The following ARHGAP27 variants were observed in gnomAD, a reference collection of about 807,000 sequenced individuals.
ARHGAP27 encodes Rho GTPase activating protein 27, also known as rho GTPase-activating protein 27.
Under a neutral mutation model 102.0 loss-of-function variants are expected in ARHGAP27, and 53 were observed. The ratio of observed to expected loss-of-function variants is 0.52; its 90% CI spans 0.42 to 0.65. The LOEUF is 0.65. Among genes scored for constraint, ARHGAP27 ranks in the 30% least tolerant of loss-of-function variants. The pLI is 0.00. For missense variants in ARHGAP27, 1,117 were observed against 1,256.2 expected, an observed-to-expected ratio of 0.89 and a Z score of 1.68; for synonymous variants, 525 against 542.8, an observed-to-expected ratio of 0.97 and a Z score of 0.46.
chr17:45,395,702 C>G (rs922069165), intron 19 of ARHGAP27, 42 bp downstream of exon 19: 2 of 1,567,456 alleles, frequency 1.3e-6, no homozygotes, highest in Non-Finnish European at 1.7e-6. Context: ...GGGCTTCAGC[C>G]GGGACCTGCC....
Position 45,396,739 on chromosome 17 carries a change from C to G in ARHGAP27, c.2003G>C (p.Arg668Pro). 6.2e-7 allele frequency: 1 copy of G among 1,613,778 alleles called. No homozygotes were observed. The highest frequency in any genetic ancestry group is 1.1e-5 in the South Asian group (1 of 91,078). ...CTGGAGGAACTTGCGGAGCTTGTGC[C>G]GGACCTTGCTCAAGTCGCTCTCCAG... ...VGLESDLSKV[R>P]HKLRKFLQRR... The change falls in exon 15 of 20, where the codon CGG (arginine) becomes CCG (proline). Residue 668 changes from arginine (R) to proline (P), a missense_variant. Transcript: ENST00000685559.
Position 45,396,492 on chromosome 17 carries a change from G to C in ARHGAP27, c.2168C>G (p.Ala723Gly). ...CACCCCCGCAGCGCACGTACCGCGG[G>C]CCTCGACGGCGCGGATGCACTGCTG... is the stretch of plus-strand genomic sequence containing the variant. The part of the protein sequence containing the change: ...FVQQCIRAVE[A>G]RGLDIDGLYR... Residue 723 changes from alanine to glycine, a missense_variant, in exon 16 of 20, where the codon GCC (alanine) becomes GGC (glycine). This residue lies in a region of ARHGAP27 where 493 missense variants were observed against 505.5 expected (regional missense o/e 0.98). Coordinates refer to ENST00000685559, the MANE Select transcript of ARHGAP27 (RefSeq NM_001282290.2). The C allele has an allele frequency of 6.5e-7, 1 of 1,541,016 alleles. No individual in the cohort carries two copies. The highest frequency in any genetic ancestry group is 8.7e-7 in the Non-Finnish European group (1 of 1,149,028).
intron 4 of ARHGAP27, among the ~76,000 whole-genome samples, chr17:45,420,481 G>A (rs2048919266): frequency 6.6e-6 from 1 of 152,028 alleles, no homozygotes; most frequent in African/African-American, 2.4e-5. Flanking sequence ...GGGAAACAGT[G>A]TACATGTGAC....
intron 1 of ARHGAP27, 60 bp from the exon 2 acceptor site, chr17:45,432,409 C>G (rs1219830788): frequency 6.5e-6 from 1 of 153,024 alleles, no homozygotes; most frequent in Non-Finnish European, 1.5e-5. Context: ...TGGAGCGCGA[C>G]AGCGCACCAG....
Position 45,396,990 on chromosome 17 carries a change from C to A in ARHGAP27, c.1877G>T (p.Ser626Ile). Reference sequence around the variant, plus strand: ...CTCGCTCGACCCGAAGTCCACTCTGCTGCTCTCGCTCTCCTCTGGGGGCAG... The same window carrying A: ...CTCGCTCGACCCGAAGTCCACTCTGATGCTCTCGCTCTCCTCTGGGGGCAG... ...AELPPEESES[S>I]RVDFGSSERL... Residue 626 changes from serine (S) to isoleucine (I), a missense_variant, in exon 14 of 20, where the codon AGC (serine) becomes ATC (isoleucine). By Grantham distance (142) the Ser-to-Ile change is moderately radical. Transcript: ENST00000685559. The A allele has an allele frequency of 6.2e-7, 1 of 1,604,806 alleles. No individual in the cohort carries two copies.
intron 4 of ARHGAP27, 37 bp from the exon 5 acceptor site, chr17:45,406,120 A>G (rs1356901667): frequency 6.8e-7 from 1 of 1,479,968 alleles, no homozygotes; most frequent in African/African-American, 1.4e-5. Flanking sequence ...GTGTTTTCAG[A>G]AACCTTCCAA....
chr17:45,404,797 G>T, intron 6 of ARHGAP27, 116 bp from the exon 7 acceptor site: 1 of 1,511,214 alleles, frequency 6.6e-7, no homozygotes, highest in South Asian at 1.2e-5. Context: ...AGGTGCAGGT[G>T]ACTGTGTTTG....
At chr17:45,396,464 C>T (rs1367117878) in intron 16 of ARHGAP27, 23 bp downstream of exon 16, 11 of 1,511,020 alleles carry the variant, frequency 7.3e-6, no homozygotes, top group African/African-American at 2.8e-5. Context: ...TGCCTGCCGC[C>T]CTCACCCCCG....
chr17:45,418,842 C>G (rs1055104933), intron 4 of ARHGAP27, among the ~76,000 whole-genome samples: 2 of 152,120 alleles, frequency 1.3e-5, no homozygotes, highest in African/African-American at 4.8e-5. Flanking sequence ...TGAGGAGGGC[C>G]AAACAGGTGG....
In ARHGAP27 at chr17:45,403,630, C is replaced by T; in HGVS notation, c.1627G>A (p.Ala543Thr). ...TFFKDSKTSAAGGLRQPSKFS... is the reference protein window; with the variant it reads ...TFFKDSKTSATGGLRQPSKFS... ...GGGCCTGGCCTTACCAGGCCGCCTG[C>T]AGCCGAGGTCTTTGAGTCCTTGAAG... Residue 543 changes from alanine to threonine, a missense_variant, in exon 11 of 20, where the codon GCA (alanine) becomes ACA (threonine). Transcript: ENST00000685559. The T allele has an allele frequency of 6.2e-7, 1 of 1,613,886 alleles. No homozygotes were observed. The highest frequency in any genetic ancestry group is 8.5e-7 in the Non-Finnish European group (1 of 1,179,980).
rs1300497860 is a variant in ARHGAP27 at position 45,404,959 on chromosome 17, G to T, written c.1213C>A (p.Gln405Lys). The T allele has an allele frequency of 6.2e-7, 1 of 1,614,110 alleles. No homozygotes were observed. The highest frequency in any genetic ancestry group is 8.5e-7 in the Non-Finnish European group (1 of 1,180,010). Residue 405 changes from glutamine (Q) to lysine (K), a missense_variant, in exon 6 of 20, where the codon CAG (glutamine) becomes AAG (lysine). Gln to Lys is a moderately conservative substitution (Grantham distance 53). Coordinates refer to ENST00000685559, the MANE Select transcript of ARHGAP27 (RefSeq NM_001282290.2). The stretch of plus-strand genomic sequence containing the variant: ...GTGAAGTGGTTGGTGTAGAGCATCT[G>T]CTTGTCCTGGCTGACATGACAAGAC... ...GWSCHVSQDKQMLYTNHFTQE... is the reference protein window; with the variant it reads ...GWSCHVSQDKKMLYTNHFTQE...
intron 4 of ARHGAP27, among the ~76,000 whole-genome samples, chr17:45,428,023 A>C (rs1246626703): frequency 6.6e-6 from 1 of 152,190 alleles, no homozygotes; most frequent in Non-Finnish European, 1.5e-5. Context: ...CTCATAGGTA[A>C]AGGGCTGCCG....
intron 4 of ARHGAP27, among the ~76,000 whole-genome samples, chr17:45,419,409 CTCTT>C (rs1012785350): frequency 1.1e-4 from 16 of 150,812 alleles, no homozygotes; most frequent in African/African-American, 3.7e-4. Flanking sequence ...ATATATGTGT[CTCTT>C]TATATAGATA....
At chr17:45,420,536 A>C (rs574408058) in intron 4 of ARHGAP27, among the ~76,000 whole-genome samples, 6 of 152,146 alleles carry the variant, frequency 3.9e-5, no homozygotes, top group Non-Finnish European at 5.9e-5. Flanking sequence ...TTAAAAAAAA[A>C]CCTGTAAAAA....
chr17:45,429,503 G>T (rs750284680), intron 4 of ARHGAP27, 120 bp downstream of exon 4: 32 of 1,517,470 alleles, frequency 2.1e-5, no homozygotes, highest in Non-Finnish European at 2.8e-5. Context: ...CGAAGTCTTC[G>T]GACAGAGGTG....
chr17:45,417,647 G>A (rs1258153148), intron 4 of ARHGAP27, among the ~76,000 whole-genome samples: 1 of 151,766 alleles, frequency 6.6e-6, no homozygotes, highest in African/African-American at 2.4e-5. Flanking sequence ...CTTGCTACTC[G>A]GGAGGCTGAG....
rs765029125 is a variant in ARHGAP27 at position 45,395,524 on chromosome 17, T to C, written c.2602A>G (p.Met868Val). The C allele has an allele frequency of 6.9e-6, 11 of 1,600,382 alleles. No individual in the cohort carries two copies. The highest frequency in any genetic ancestry group is 9.4e-6 in the Non-Finnish European group (11 of 1,173,572). ...EVEETSMPMT[M>V]VFQNQVVELI... ...TCCACCACCTGGTTCTGGAACACCA[T>C]GGTCATGGGCATGCTGGTCTCTTCC... Residue 868 changes from methionine to valine, a missense_variant, in exon 20 of 20, where the codon ATG (methionine) becomes GTG (valine). By Grantham distance (21) the Met-to-Val change is conservative (BLOSUM62 1). Transcript: ENST00000685559.
intron 10 of ARHGAP27, 38 bp downstream of exon 10, chr17:45,403,991 C>A: frequency 1.2e-6 from 2 of 1,609,716 alleles, no homozygotes; most frequent in Non-Finnish European, 8.5e-7. Context: ...GTCACCAAGG[C>A]CCACCCTGCC....
rs568762533 is a variant in ARHGAP27 at position 45,418,613 on chromosome 17, G to A, written c.657+11010C>T. ...CTGGAGCCAGGATTCTGGGAATAAG[G>A]CCACTTAAACACGCCCTGTTTCCCC... On this transcript the variant is annotated intron_variant, in intron 4 of 19. Transcript: ENST00000685559. 2.0e-5 allele frequency among the ~76,000 whole-genome samples: 3 copies of A among 152,218 alleles called. No homozygotes were observed. In the South Asian group the frequency reaches 6.2e-4, roughly 32 times the overall value.
Sources: allele counts gnomAD v4.1 joint callset (sites outside exome capture counted in the v4.1 genomes callset), GRCh38; gene constraint gnomAD v4.1.1; regional missense constraint gnomAD v4.1.1; transcripts MANE v1.5; gene names NCBI Gene and HGNC (gene_info 2026-07-23, HGNC 2026-07-21).